DHRS2: variants seen among roughly 807,000 people sequenced by gnomAD.
DHRS2 encodes dehydrogenase/reductase SDR family member 2, mitochondrial.
A neutral mutation model predicts 26.3 loss-of-function variants in DHRS2; 29 were observed. The observed-to-expected ratio is 1.10, with a 90% CI of 0.82 to 1.50. DHRS2 has a LOEUF of 1.50. Ranked by LOEUF, DHRS2 falls within the 40% of genes most tolerant of loss-of-function variation. The probability of loss-of-function intolerance (pLI) is 0.00; values close to 1 mark genes in which losing one functional copy is unlikely to be tolerated. For missense variants in DHRS2, 439 were observed against 367.1 expected, an observed-to-expected ratio of 1.20 and a Z score of -1.60; for synonymous variants, 164 against 151.3, an observed-to-expected ratio of 1.08 and a Z score of -0.62.
upstream of DHRS2, among the ~76,000 whole-genome samples, chr14:23,635,695 GGCT>G: frequency 6.6e-6 from 1 of 152,256 alleles, no homozygotes; most frequent in Non-Finnish European, 1.5e-5. Context: ...CATCCACTCT[GGCT>G]GCACTTGAGG....
chr14:23,639,422 GC>G, intron 3 of DHRS2, 66 bp downstream of exon 3: 1 of 1,482,438 alleles, frequency 6.7e-7, no homozygotes, highest in Non-Finnish European at 9.0e-7. Flanking sequence ...TCACTGCTTG[GC>G]CCTTGTGGGG....
chr14:23,639,352 C>T lies in DHRS2; in HGVS notation c.314C>T (p.Ala105Val). The T allele has an allele frequency of 6.4e-7, 1 of 1,565,658 alleles. No individual in the cohort carries two copies. The highest frequency in any genetic ancestry group is 8.6e-7 in the Non-Finnish European group (1 of 1,157,362). The change falls in exon 3 of 9, where the codon GCC (alanine) becomes GTC (valine). Residue 105 changes from alanine (A) to valine (V), a missense_variant. Physicochemically the swap from Ala to Val is moderately conservative, Grantham distance 64. Coordinates refer to ENST00000250383, the MANE Select transcript of DHRS2 (RefSeq NM_005794.4). ...GKAEDREQLV[A>V]KALEHCGGVD... ...GCTGAGGACCGGGAGCAGCTGGTGG[C>T]CAAGGTGAGGGGGCAGGCGGTGGAA...
In DHRS2 at chr14:23,636,772, G is replaced by C. The variant is rs974590192; in HGVS notation, c.-39G>C. 1 of 152,180 alleles carries C rather than the reference G, an allele frequency of 6.6e-6. No homozygotes were observed. The highest frequency in any genetic ancestry group is 1.5e-5 in the Non-Finnish European group (1 of 68,052). The allele number at this position is 152,180 out of a possible 1,614,324, so 9.4% of individuals were successfully genotyped here. A position where few individuals can be genotyped will look rare whatever the true frequency, so the allele number is the denominator to read the frequency against. ...GTGAGACTATCACCTATCGCCAAGT[G>C]GTGAGTACCATCAGATCCCTTTCAT... On this transcript the variant is annotated splice_region_variant and 5_prime_UTR_variant, in exon 1 of 9. Transcript: ENST00000250383.
At chr14:23,631,445 G>A (rs1890116253), upstream of DHRS2, among the ~76,000 whole-genome samples, 1 of 152,020 alleles carries the variant, frequency 6.6e-6, no homozygotes, top group Non-Finnish European at 1.5e-5. Context: ...GGGGAGCTTA[G>A]AATTTTATTT....
intron 4 of DHRS2, chr14:23,642,770 G>A (rs1321478303): frequency 3.1e-5 from 6 of 193,740 alleles, no homozygotes; most frequent in Non-Finnish European, 6.4e-5. Flanking sequence ...GTCTCACTAT[G>A]TTGCTCAGGC....
Position 23,643,419 on chromosome 14 carries a change from C to T in DHRS2, c.488+200C>T, listed in dbSNP as rs1274825890. On this transcript the variant is annotated intron_variant, in intron 5 of 8. Coordinates refer to ENST00000250383, the MANE Select transcript of DHRS2 (RefSeq NM_005794.4). ...TGGCTGCAGGATGAGAGTAGTATTCCAGGGGCCCAGGCATAGCCTCCTTGG... is the reference window on the plus strand; with the variant it reads ...TGGCTGCAGGATGAGAGTAGTATTCTAGGGGCCCAGGCATAGCCTCCTTGG... 5 of 575,766 alleles carry T rather than the reference C, an allele frequency of 8.7e-6. No individual in the cohort carries two copies. The East Asian group carries it at 1.5e-4, about 17-fold the overall frequency. The allele number at this position is 575,766 out of a possible 1,614,324, so 35.7% of individuals were successfully genotyped here.
chr14:23,644,137 C>CCATT lies in DHRS2; in HGVS notation c.516_519dup (p.Ala174HisfsTer5), dbSNP rs754174905. ...AGGGGTGCTGTCATCCTGGTCTCTT[C>CCATT]CATTGCAGCTTATAATCCAGTAGTG... is the stretch of plus-strand genomic sequence containing the variant. On this transcript the variant is annotated frameshift_variant, in exon 6 of 9. Transcript: ENST00000250383. LOFTEE classifies it high-confidence loss of function. 8.7e-5 allele frequency: 140 copies of CCATT among 1,614,166 alleles called. No individual in the cohort carries two copies. The highest frequency in any genetic ancestry group is 1.2e-4 in the Non-Finnish European group (137 of 1,180,026).
chr14:23,637,852 G>C (rs1424520052), intron 1 of DHRS2, among the ~76,000 whole-genome samples: 1 of 152,064 alleles, frequency 6.6e-6, no homozygotes, highest in African/African-American at 2.4e-5. Context: ...GGACCAATCA[G>C]CTCTCTATAA....
intron 4 of DHRS2, chr14:23,642,919 C>T (rs1594247810): frequency 2.1e-6 from 1 of 482,024 alleles, no homozygotes; most frequent in East Asian, 3.8e-5. Flanking sequence ...CAGTCCTGAA[C>T]AATTCACATT....
rs556480497 is a variant in DHRS2 at position 23,638,763 on chromosome 14, A to G, written c.-38-64A>G. The G allele has an allele frequency of 4.7e-6, 7 of 1,486,198 alleles. No homozygotes were observed. In the African/African-American group the frequency reaches 9.7e-5, roughly 21 times the overall value. The allele number at this position is 1,486,198 out of a possible 1,614,324, so 92.1% of individuals were successfully genotyped here. On this transcript the variant is annotated intron_variant, in intron 1 of 8. Transcript: ENST00000250383. ...GCCTTGTCTGTCTGGAGGAAGGAGG[A>G]GGGTAGATTACCTTCATGCTCACTG...
upstream of DHRS2, among the ~76,000 whole-genome samples, chr14:23,635,843 C>T (rs1013416626): frequency 1.1e-4 from 16 of 152,356 alleles, no homozygotes; most frequent in African/African-American, 2.6e-4. Context: ...GGGCACTCAC[C>T]GGCCAGCAGG....
rs761531025 is a variant in DHRS2, at chr14:23,644,098, T to C, written c.489-13T>C. The C allele has an allele frequency of 1.2e-5, 19 of 1,613,908 alleles. No individual in the cohort carries two copies. The highest frequency in any genetic ancestry group is 1.6e-5 in the Non-Finnish European group (19 of 1,179,882). Reference sequence around the variant, plus strand: ...TCTTAGCTTCAGCTTCTCTTATGTTTGTCTTGTCTCAGGAGGGGTGCTGTC... The same window carrying C: ...TCTTAGCTTCAGCTTCTCTTATGTTCGTCTTGTCTCAGGAGGGGTGCTGTC... On this transcript the variant is annotated splice_polypyrimidine_tract_variant and intron_variant, in intron 5 of 8. Transcript: ENST00000250383.
chr14:23,645,065 C>G, intron 8 of DHRS2, 77 bp from the exon 9 acceptor site: 1 of 1,602,376 alleles, frequency 6.2e-7, no homozygotes, highest in South Asian at 1.1e-5. Flanking sequence ...GAGCCCACTC[C>G]CACCTGTCAT....
At chr14:23,633,619 C>T (rs1890181330), upstream of DHRS2, among the ~76,000 whole-genome samples, 1 of 152,142 alleles carries the variant, frequency 6.6e-6, no homozygotes, top group African/African-American at 2.4e-5. Flanking sequence ...AAGCCCTGGG[C>T]CCCAAGAGGG....
At position 23,639,818 on chromosome 14, in the gene DHRS2, G is replaced by A. The variant is rs779142824; in HGVS notation, c.343G>A (p.Asp115Asn). ...GGCCCTGGAGCACTGTGGGGGCGTC[G>A]ACTTCCTGGTGTGCAGCGCAGGGGT... Reference protein sequence around the residue: ...AKALEHCGGVDFLVCSAGVNP... With the variant: ...AKALEHCGGVNFLVCSAGVNP... The change falls in exon 4 of 9, where the codon GAC becomes AAC. Residue 115 changes from aspartate (D) to asparagine (N), a missense_variant. Transcript: ENST00000250383. The A allele has an allele frequency of 8.7e-6, 14 of 1,609,272 alleles. No homozygotes were observed. The highest frequency in any genetic ancestry group is 5.0e-5 in the Admixed American group (3 of 59,622).
chr14:23,637,733 G>A (rs544207635), intron 1 of DHRS2, among the ~76,000 whole-genome samples: 16 of 152,278 alleles, frequency 1.1e-4, no homozygotes, highest in Middle Eastern at 3.4e-3. Flanking sequence ...CTAATCAGGT[G>A]GGGACTTGGA....
At chr14:23,633,307 G>A (rs894390230), upstream of DHRS2, among the ~76,000 whole-genome samples, 1 of 152,154 alleles carries the variant, frequency 6.6e-6, no homozygotes, top group Non-Finnish European at 1.5e-5. Flanking sequence ...TCAGCTCCAC[G>A]GACATCCCTT....
rs926346864 is a variant in DHRS2, at chr14:23,636,458, C to T, written c.-353C>T. ...TGCTGCTCACTCGTTGGGTCCGTGC[C>T]ACCTTTAAGAGCTGTAACACTCACC... On this transcript the variant is annotated 5_prime_UTR_variant, in exon 1 of 9. Transcript: ENST00000250383. 3 of 152,068 alleles carry T rather than the reference C, an allele frequency of 2.0e-5. No homozygotes were observed. The highest frequency in any genetic ancestry group is 6.5e-5 in the Admixed American group (1 of 15,270). The allele number at this position is 152,068 out of a possible 1,614,324, so 9.4% of individuals were successfully genotyped here. A position where few individuals can be genotyped will look rare whatever the true frequency, so the allele number is the denominator to read the frequency against.
At chr14:23,637,268 A>T (rs1307879985) in intron 1 of DHRS2, among the ~76,000 whole-genome samples, 2 of 152,198 alleles carry the variant, frequency 1.3e-5, no homozygotes, top group African/African-American at 4.8e-5. Context: ...TCTTATAAGA[A>T]TGATTTCTAG....
Sources: allele counts gnomAD v4.1 joint callset (sites outside exome capture counted in the v4.1 genomes callset), GRCh38; gene constraint gnomAD v4.1.1; transcripts MANE v1.5; gene names NCBI Gene and HGNC (gene_info 2026-07-23, HGNC 2026-07-21).